HPCAL1: variants seen among roughly 807,000 people sequenced by gnomAD.
The protein encoded by HPCAL1 is hippocalcin-like protein 1.
HPCAL1 carries 8 observed loss-of-function variants against 17.1 expected under a neutral mutation model. The observed-to-expected ratio is 0.47, with a 90% confidence interval of 0.27 to 0.84. The LOEUF is 0.84. HPCAL1 is among the 40% of genes least tolerant of loss of function. The pLI is 0.13. For synonymous variants in HPCAL1, 112 were observed against 111.4 expected, an observed-to-expected ratio of 1.01 and a Z score of -0.03; for missense variants, 165 against 271.1, an observed-to-expected ratio of 0.61 and a Z score of 2.75.
chr2:10,401,385 G>A (rs961454850), intron 2 of HPCAL1, among the ~76,000 whole-genome samples: 4 of 152,172 alleles, frequency 2.6e-5, no homozygotes, highest in African/African-American at 4.8e-5. Context: ...GATCATAGAC[G>A]ATGTTTAGCA....
intron 2 of HPCAL1, chr2:10,408,774 G>A (rs540399362): frequency 6.6e-6 from 1 of 152,246 alleles, no homozygotes; most frequent in South Asian, 2.1e-4. Flanking sequence ...TTCACTCAAG[G>A]GCACTAAGGA....
At chr2:10,349,702 C>CAAAAAAAAAAAAAAAAAAAAAA (rs55897775) in intron 1 of HPCAL1, among the ~76,000 whole-genome samples, 1 of 52,730 alleles carries the variant, frequency 1.9e-5, no homozygotes, top group African/African-American at 9.7e-5. Context: ...GACTCTGTCT[C>CAAAAAAAAAAAAAAAAAAAAAA]AAAAAAAAAA....
intron 1 of HPCAL1, among the ~76,000 whole-genome samples, chr2:10,371,436 G>GGGGTT (rs1478291832): frequency 3.0e-4 from 45 of 150,194 alleles, no homozygotes; most frequent in Non-Finnish European, 1.5e-4. Context: ...GGGGTGGGGT[G>GGGGTT]GGGGGATGGT....
intron 1 of HPCAL1, among the ~76,000 whole-genome samples, chr2:10,333,676 A>G (rs560150815): frequency 1.6e-3 from 246 of 152,306 alleles, no homozygotes; most frequent in African/African-American, 4.4e-3. Flanking sequence ...CAAATATTCT[A>G]TGTCTCTTTG....
chr2:10,403,591 C>A (rs1669781046), intron 2 of HPCAL1, among the ~76,000 whole-genome samples: 2 of 152,068 alleles, frequency 1.3e-5, no homozygotes, highest in Admixed American at 1.3e-4. Flanking sequence ...TCAAATGAGT[C>A]TCCTGCCTCA....
chr2:10,422,297 G>A (rs983875253), intron 3 of HPCAL1, among the ~76,000 whole-genome samples: 3 of 152,220 alleles, frequency 2.0e-5, no homozygotes, highest in Non-Finnish European at 2.9e-5. Flanking sequence ...TTCACGTGGA[G>A]TGCTCAGAAA....
chr2:10,399,250 C>CCAT (rs1669298262), intron 2 of HPCAL1, among the ~76,000 whole-genome samples: 4 of 69,246 alleles, frequency 5.8e-5, no homozygotes, highest in Admixed American at 1.4e-4. Flanking sequence ...ATCACCACCA[C>CCAT]CACCACCACC....
intron 1 of HPCAL1, among the ~76,000 whole-genome samples, chr2:10,379,062 T>G (rs182819804): frequency 1.3e-5 from 2 of 152,182 alleles, no homozygotes; most frequent in East Asian, 1.9e-4. Flanking sequence ...GTGCGGTCGC[T>G]CCTACCTGTA....
intron 1 of HPCAL1, among the ~76,000 whole-genome samples, chr2:10,339,319 ATT>A (rs772333157): frequency 1.5e-5 from 2 of 132,752 alleles, no homozygotes; most frequent in Admixed American, 7.5e-5. Flanking sequence ...TGCCCACCTA[ATT>A]TTTTTTTTTT....
rs1450205619 is a variant in HPCAL1, at chr2:10,367,782, G to A, written c.-110-29053G>A. On this transcript the variant is annotated intron_variant, in intron 1 of 4. Coordinates refer to ENST00000307845, the MANE Select transcript of HPCAL1 (RefSeq NM_002149.4). The surrounding 1 kb of genome is among the most constrained non-coding windows in gnomAD (Gnocchi z 4.4). ...GGTGACAGAGCTTCGGACATGAGCAGCCTCTGCTGCTGCGGCCACCCTCGC... is the reference window on the plus strand; with the variant it reads ...GGTGACAGAGCTTCGGACATGAGCAACCTCTGCTGCTGCGGCCACCCTCGC... Among the ~76,000 whole-genome samples, 4 of 152,170 alleles carry A rather than the reference G, an allele frequency of 2.6e-5. No homozygotes were observed. Among genetic ancestry groups the A allele is most frequent in the Admixed American group, 6.5e-5 (1 of 15,278 alleles).
intron 1 of HPCAL1, among the ~76,000 whole-genome samples, chr2:10,385,784 G>GC (rs1267270245): frequency 6.6e-6 from 1 of 152,130 alleles, no homozygotes; most frequent in Non-Finnish European, 1.5e-5. Context: ...CTGCAGCCGA[G>GC]CCCCCACATG....
intron 2 of HPCAL1, among the ~76,000 whole-genome samples, chr2:10,406,607 T>A (rs1358454387): frequency 3.3e-5 from 5 of 152,184 alleles, no homozygotes; most frequent in African/African-American, 1.2e-4. Context: ...AGATCCTGGG[T>A]GGGGGCAGAG....
chr2:10,311,932 T>TTCATCATCACTG (rs1662988421), intron 1 of HPCAL1, among the ~76,000 whole-genome samples: 1 of 149,498 alleles, frequency 6.7e-6, no homozygotes, highest in Non-Finnish European at 1.5e-5. Flanking sequence ...TTCATCACCA[T>TTCATCATCACTG]TCATCATCAC....
chr2:10,317,204 A>G (rs1229242929), intron 1 of HPCAL1, among the ~76,000 whole-genome samples: 1 of 152,112 alleles, frequency 6.6e-6, no homozygotes. Context: ...GTTTTTGTTG[A>G]CTTACAGTGT....
intron 1 of HPCAL1, among the ~76,000 whole-genome samples, chr2:10,336,995 T>C (rs1273810831): frequency 1.3e-5 from 2 of 152,168 alleles, no homozygotes; most frequent in African/African-American, 4.8e-5. Flanking sequence ...TCAAGTGTTC[T>C]TCCCACCGCA....
chr2:10,423,203 C>G, intron 4 of HPCAL1, 115 bp downstream of exon 4: 1 of 755,806 alleles, frequency 1.3e-6, no homozygotes, highest in South Asian at 1.6e-5. Context: ...GCCACCCCCG[C>G]CCGCCACCTG....
At chr2:10,392,568 C>A (rs1055449325) in intron 1 of HPCAL1, among the ~76,000 whole-genome samples, 9 of 152,152 alleles carry the variant, frequency 5.9e-5, no homozygotes, top group Admixed American at 5.9e-4. Context: ...TTATTGAGTT[C>A]TTTCTATGTA....
chr2:10,394,574 G>A lies in HPCAL1; in HGVS notation c.-110-2261G>A, dbSNP rs1458404011. Among the ~76,000 whole-genome samples the A allele has an allele frequency of 1.3e-5, 2 of 152,188 alleles. No individual in the cohort carries two copies. The highest frequency in any genetic ancestry group is 2.4e-5 in the African/African-American group (1 of 41,462). ...TAATGGTGGGTGCGCATCGGTACACGTTTGTCAAAGCCCACGGAGTGGCCC... is the reference window on the plus strand; with the variant it reads ...TAATGGTGGGTGCGCATCGGTACACATTTGTCAAAGCCCACGGAGTGGCCC... On this transcript the variant is annotated intron_variant, in intron 1 of 4. Coordinates refer to ENST00000307845, the MANE Select transcript of HPCAL1 (RefSeq NM_002149.4). The surrounding 1 kb of genome is among the most constrained non-coding windows in gnomAD (Gnocchi z 5.0).
At position 10,367,792 on chromosome 2, in the gene HPCAL1, C is replaced by T. The variant is rs1039399695; in HGVS notation, c.-110-29043C>T. Among the ~76,000 whole-genome samples the T allele has an allele frequency of 6.6e-6, 1 of 152,192 alleles. No individual in the cohort carries two copies. Among genetic ancestry groups the T allele is most frequent in the African/African-American group, 2.4e-5 (1 of 41,448 alleles). On this transcript the variant is annotated intron_variant, in intron 1 of 4. Coordinates refer to ENST00000307845, the MANE Select transcript of HPCAL1 (RefSeq NM_002149.4). This position sits in a 1 kb window ranked among gnomAD's most constrained non-coding sequence, Gnocchi z 4.4. ...CTTCGGACATGAGCAGCCTCTGCTGCTGCGGCCACCCTCGCCGGCCCTGGA... is the reference window on the plus strand; with the variant it reads ...CTTCGGACATGAGCAGCCTCTGCTGTTGCGGCCACCCTCGCCGGCCCTGGA...
Sources: gnomAD v4.1 joint callset for allele counts (sites outside exome capture counted in the v4.1 genomes callset) on GRCh38, gnomAD v4.1.1 for gene constraint, Gnocchi (gnomAD v3.1) non-coding constraint, MANE v1.5 for transcripts, NCBI Gene and HGNC (gene_info 2026-07-23, HGNC 2026-07-21) for gene names.